NTM: variants seen among roughly 807,000 people sequenced by gnomAD.
NTM encodes IgLON family member 2.
A neutral mutation model predicts 42.1 loss-of-function variants in NTM; 13 were observed. That is an observed-to-expected ratio of 0.31 (90% confidence interval 0.20 to 0.49). The LOEUF (loss-of-function observed/expected upper bound fraction) is 0.49. Among genes scored for constraint, NTM ranks in the 20% least tolerant of loss-of-function variants. The probability of loss-of-function intolerance (pLI) is 0.99; values close to 1 mark genes in which losing one functional copy is unlikely to be tolerated. For missense variants in NTM, 373 were observed against 452.8 expected, an observed-to-expected ratio of 0.82 and a Z score of 1.60; for synonymous variants, 187 against 179.2, an observed-to-expected ratio of 1.04 and a Z score of -0.35.
chr11:132,284,008 G>A (rs2094119153), intron 4 of NTM, among the ~76,000 whole-genome samples: 1 of 152,060 alleles, frequency 6.6e-6, no homozygotes, highest in Non-Finnish European at 1.5e-5. Flanking sequence ...TCCCTCTGAG[G>A]CAATGCCCAG....
In NTM at chr11:132,213,999, G is replaced by C. The variant is rs1391430670; in HGVS notation, c.526+1852G>C. ...TCCGCCCGCCTCGGCCTCCCAAAGT[G>C]CTGGGATTACAGGCGTGAGCCACCG... On this transcript the variant is annotated intron_variant, in intron 4 of 8. Transcript: ENST00000683400. 4.6e-5 allele frequency among the ~76,000 whole-genome samples: 7 copies of C among 150,750 alleles called. 1 individual carries two copies. The highest frequency in any genetic ancestry group is 1.0e-4 in the Non-Finnish European group (7 of 67,622).
At chr11:131,927,575 G>A (rs1235745650) in intron 2 of NTM, among the ~76,000 whole-genome samples, 1 of 152,218 alleles carries the variant, frequency 6.6e-6, no homozygotes, top group African/African-American at 2.4e-5. Flanking sequence ...GCACTTGACT[G>A]TTGCCACTTT....
At chr11:131,866,192 A>ACC (rs2047194129) in intron 1 of NTM, among the ~76,000 whole-genome samples, 1 of 152,116 alleles carries the variant, frequency 6.6e-6, no homozygotes, top group Non-Finnish European at 1.5e-5. Context: ...TGCTGTTCAC[A>ACC]CCCTCATGCT....
intron 4 of NTM, among the ~76,000 whole-genome samples, chr11:132,241,327 C>T (rs759428488): frequency 7.2e-5 from 11 of 152,052 alleles, no homozygotes; most frequent in Non-Finnish European, 1.3e-4. Flanking sequence ...GCATATAAAG[C>T]CTATTTTATT....
intron 1 of NTM, among the ~76,000 whole-genome samples, chr11:131,871,402 A>T (rs964670134): frequency 1.3e-5 from 2 of 152,218 alleles, no homozygotes; most frequent in African/African-American, 4.8e-5. Flanking sequence ...AATATAAATC[A>T]TGAGTAAATA....
intron 1 of NTM, among the ~76,000 whole-genome samples, chr11:131,753,216 G>A (rs1333909146): frequency 6.6e-6 from 1 of 152,064 alleles, no homozygotes; most frequent in Admixed American, 6.6e-5. Context: ...AGTTAGAATG[G>A]CAATCATTAA....
At chr11:132,048,730 C>T (rs1282783841) in intron 2 of NTM, among the ~76,000 whole-genome samples, 1 of 152,094 alleles carries the variant, frequency 6.6e-6, no homozygotes, top group African/African-American at 2.4e-5. Context: ...AGACAGACAC[C>T]CCCAACCAAA....
At chr11:132,079,699 G>A (rs938567053) in intron 2 of NTM, among the ~76,000 whole-genome samples, 2 of 152,114 alleles carry the variant, frequency 1.3e-5, no homozygotes, top group African/African-American at 4.8e-5. Flanking sequence ...ACGTAACCTG[G>A]TTGCATGTTC....
At chr11:132,303,712 C>CA (rs139688601) in intron 4 of NTM, among the ~76,000 whole-genome samples, 3,999 of 113,066 alleles carry the variant, frequency 0.035, 85 homozygotes, top group Middle Eastern at 0.084. Context: ...TTCTAGGTGA[C>CA]AAAAAAAAAA....
intron 1 of NTM, among the ~76,000 whole-genome samples, chr11:131,486,300 G>C (rs528704793): frequency 6.6e-6 from 1 of 152,136 alleles, no homozygotes; most frequent in Non-Finnish European, 1.5e-5. Flanking sequence ...CTACCAGAAA[G>C]GCACTGAAGT....
chr11:131,517,060 G>C (rs564960921), intron 1 of NTM, among the ~76,000 whole-genome samples: 13 of 152,196 alleles, frequency 8.5e-5, no homozygotes, highest in Non-Finnish European at 1.9e-4. Context: ...TAAACAGCCT[G>C]ACTGGGAAGT....
At chr11:131,769,381 T>C (rs373959529) in intron 1 of NTM, among the ~76,000 whole-genome samples, 1 of 152,138 alleles carries the variant, frequency 6.6e-6, no homozygotes, top group Non-Finnish European at 1.5e-5. Flanking sequence ...AGCTTCTGCC[T>C]CTGAAACTGC....
chr11:131,805,468 C>T (rs1358457485), intron 1 of NTM, among the ~76,000 whole-genome samples: 3 of 152,198 alleles, frequency 2.0e-5, no homozygotes, highest in Admixed American at 6.5e-5. Context: ...ACATGAAAAT[C>T]GTATGATTTA....
At chr11:132,163,750 G>T (rs568445198) in intron 3 of NTM, among the ~76,000 whole-genome samples, 1 of 152,244 alleles carries the variant, frequency 6.6e-6, no homozygotes, top group African/African-American at 2.4e-5. Flanking sequence ...AGAGACAGAA[G>T]CCTCCTTGGA....
chr11:132,180,253 A>G lies in NTM; in HGVS notation c.401-31769A>G, dbSNP rs1592055859. ...TCTTCAGAGAGGATGAAATAATCCA[A>G]TAGAGAGATGTTGGAGATGATTAGT... On this transcript the variant is annotated intron_variant, in intron 3 of 8. Transcript: ENST00000683400. Among the ~76,000 whole-genome samples, 2 of 152,290 alleles carry G rather than the reference A, an allele frequency of 1.3e-5. 1 individual carries two copies. Among genetic ancestry groups the G allele is most frequent in the Middle Eastern group, 6.8e-3 (2 of 294 alleles).
At chr11:131,803,079 G>C (rs1224424287) in intron 1 of NTM, among the ~76,000 whole-genome samples, 3 of 152,192 alleles carry the variant, frequency 2.0e-5, no homozygotes, top group South Asian at 4.1e-4. Flanking sequence ...GAGCTGTGAG[G>C]TAGCAAATAC....
intron 2 of NTM, among the ~76,000 whole-genome samples, chr11:132,041,997 G>A (rs1330165403): frequency 2.0e-5 from 3 of 152,200 alleles, no homozygotes; most frequent in African/African-American, 7.2e-5. Flanking sequence ...TTTCCAACCT[G>A]AGGATTGAGT....
chr11:131,463,475 C>T (rs955778857), intron 1 of NTM, among the ~76,000 whole-genome samples: 10 of 152,146 alleles, frequency 6.6e-5, no homozygotes, highest in African/African-American at 1.7e-4. Context: ...GCTGTGTGGC[C>T]GCTGGGGCCC....
intron 3 of NTM, among the ~76,000 whole-genome samples, chr11:132,169,448 G>T (rs971655431): frequency 3.7e-5 from 5 of 134,230 alleles, no homozygotes; most frequent in Middle Eastern, 4.7e-3. Flanking sequence ...CAATTCTCCT[G>T]CCTCAGCCTC....
Sources: allele counts gnomAD v4.1 joint callset (sites outside exome capture counted in the v4.1 genomes callset), GRCh38; gene constraint gnomAD v4.1.1; transcripts MANE v1.5; gene names NCBI Gene and HGNC (gene_info 2026-07-23, HGNC 2026-07-21).